SKI: variants seen among roughly 807,000 people sequenced by gnomAD.
SKI encodes the protein ski oncogene.
A neutral mutation model predicts 59.3 loss-of-function variants in SKI; 23 were observed. That is an observed-to-expected ratio of 0.39 (90% CI 0.28 to 0.55). SKI has a LOEUF of 0.55. Ranked by LOEUF, SKI falls within the 20% of genes least tolerant of loss-of-function variation. The pLI is 0.67. For synonymous variants in SKI, 673 were observed against 488.6 expected, an observed-to-expected ratio of 1.38 and a Z score of -4.98; for missense variants, 1,017 against 1,038.9, an observed-to-expected ratio of 0.98 and a Z score of 0.29.
rs112780030 is a variant in SKI at position 2,262,365 on chromosome 1, G to C, written c.969+32630G>C. ...AGGCGTGGAATCAGAGTTTGGGTGGGAGTGGTGGGAGTGGACACCCTCGCT... is the reference window on the plus strand; with the variant it reads ...AGGCGTGGAATCAGAGTTTGGGTGGCAGTGGTGGGAGTGGACACCCTCGCT... On this transcript the variant is annotated intron_variant, in intron 1 of 6. Coordinates refer to ENST00000378536, the MANE Select transcript of SKI (RefSeq NM_003036.4). Among the ~76,000 whole-genome samples, 1,332 of 149,318 alleles carry C rather than the reference G, an allele frequency of 8.9e-3. 17 individuals carry two copies. The highest frequency in any genetic ancestry group is 0.031 in the African/African-American group (1,233 of 40,328).
In SKI at chr1:2,228,727, C is replaced by A; in HGVS notation, c.-40C>A. 9.7e-7 allele frequency: 1 copy of A among 1,027,276 alleles called. No homozygotes were observed. The highest frequency in any genetic ancestry group is 1.2e-6 in the Non-Finnish European group (1 of 858,694). 63.6% of individuals were successfully genotyped at this position (1,027,276 alleles called of 1,614,324 possible). A position where few individuals can be genotyped will look rare whatever the true frequency, so the allele number is the denominator to read the frequency against. ...GCGGCGGGGGCCGGGGGGGCCCGGG[C>A]GCGCGGGAGCGGGAGCGGCCGGGGG... On this transcript the variant is annotated 5_prime_UTR_variant, in exon 1 of 7. Coordinates refer to ENST00000378536, the MANE Select transcript of SKI (RefSeq NM_003036.4).
intron 1 of SKI, among the ~76,000 whole-genome samples, chr1:2,282,830 C>G (rs1639938084): frequency 1.3e-5 from 2 of 152,198 alleles, no homozygotes; most frequent in African/African-American, 4.8e-5. Flanking sequence ...GTGACATTCG[C>G]AAGGGTGGGT....
intron 1 of SKI, among the ~76,000 whole-genome samples, chr1:2,299,737 G>A (rs992209788): frequency 3.3e-5 from 5 of 152,172 alleles, no homozygotes; most frequent in South Asian, 2.1e-4. Context: ...ATGGGCCAGC[G>A]TTTCGCCCTG....
intron 1 of SKI, among the ~76,000 whole-genome samples, chr1:2,296,348 A>G (rs555980349): frequency 1.1e-4 from 17 of 152,244 alleles, no homozygotes; most frequent in African/African-American, 3.4e-4. Context: ...GTGAGCTGAG[A>G]TCGTGCCACT....
chr1:2,278,794 G>A (rs2100867783), intron 1 of SKI, among the ~76,000 whole-genome samples: 1 of 152,166 alleles, frequency 6.6e-6, no homozygotes, highest in South Asian at 2.1e-4. Context: ...TGCAGTCCCT[G>A]GGCAGGCAGC....
intron 1 of SKI, among the ~76,000 whole-genome samples, chr1:2,287,879 A>T (rs1640077462): frequency 6.6e-6 from 1 of 150,888 alleles, no homozygotes; most frequent in African/African-American, 2.4e-5. Context: ...CTCCGGCCCC[A>T]CCCCGAGCCC....
intron 1 of SKI, among the ~76,000 whole-genome samples, chr1:2,283,343 A>C (rs1307106328): frequency 6.9e-6 from 1 of 145,966 alleles, no homozygotes; most frequent in East Asian, 2.0e-4. Context: ...AAGGACTCAG[A>C]GCCTCAGGGG....
At chr1:2,243,601 G>A (rs1003468596) in intron 1 of SKI, among the ~76,000 whole-genome samples, 4 of 152,214 alleles carry the variant, frequency 2.6e-5, no homozygotes, top group African/African-American at 9.7e-5. Context: ...GTGGGCCTGG[G>A]AGTGAAACAG....
At chr1:2,255,312 C>G (rs902720947) in intron 1 of SKI, among the ~76,000 whole-genome samples, 1 of 152,236 alleles carries the variant, frequency 6.6e-6, no homozygotes. Flanking sequence ...CCTGCCACAG[C>G]CCCACGTGCT....
intron 1 of SKI, among the ~76,000 whole-genome samples, chr1:2,231,666 T>C (rs1638641260): frequency 6.6e-6 from 1 of 152,242 alleles, no homozygotes; most frequent in South Asian, 2.1e-4. Flanking sequence ...CAGGCCATAC[T>C]GACGACGTGC....
rs970519317 is a variant in SKI at position 2,270,872 on chromosome 1, C to T, written c.970-32106C>T. Among the ~76,000 whole-genome samples the T allele has an allele frequency of 6.6e-6, 1 of 152,226 alleles. No homozygotes were observed. Among genetic ancestry groups the T allele is most frequent in the African/African-American group, 2.4e-5 (1 of 41,456 alleles). ...AAGTTCACATTTGTCCCTCTCCTGCCCCAGGGCACCTGGCCCTGTCCCGGG... is the reference window on the plus strand; with the variant it reads ...AAGTTCACATTTGTCCCTCTCCTGCTCCAGGGCACCTGGCCCTGTCCCGGG... On this transcript the variant is annotated intron_variant, in intron 1 of 6. Transcript: ENST00000378536. This position sits in a 1 kb window ranked among gnomAD's most constrained non-coding sequence, Gnocchi z 4.1.
chr1:2,277,309 C>T (rs764729167), intron 1 of SKI, among the ~76,000 whole-genome samples: 2 of 152,060 alleles, frequency 1.3e-5, no homozygotes, highest in African/African-American at 4.8e-5. Context: ...TGTGTCCCCA[C>T]CCAAATCTCA....
chr1:2,250,058 A>G (rs1386419957), intron 1 of SKI, among the ~76,000 whole-genome samples: 1 of 151,870 alleles, frequency 6.6e-6, no homozygotes, highest in Non-Finnish European at 1.5e-5. Flanking sequence ...GCGCCCGCCC[A>G]CCACGCCCGG....
rs139124422 is a variant in SKI at position 2,233,657 on chromosome 1, G to A, written c.969+3922G>A. ...GCAAGGCTGCCCCTGGCCCCAGGCA[G>A]CGTTTCTTCAGGCAGGTGCCCAGCC... On this transcript the variant is annotated intron_variant, in intron 1 of 6. Coordinates refer to ENST00000378536, the MANE Select transcript of SKI (RefSeq NM_003036.4). 1.8e-3 allele frequency among the ~76,000 whole-genome samples: 269 copies of A among 152,258 alleles called. 2 individuals carry two copies. Among genetic ancestry groups the A allele is most frequent in the African/African-American group, 5.8e-3 (239 of 41,546 alleles).
In SKI at chr1:2,247,219, AAAAAAAC is replaced by A. The variant is rs376403245; in HGVS notation, c.969+17498_969+17504del. On this transcript the variant is annotated intron_variant, in intron 1 of 6. Transcript: ENST00000378536. ...GGGCAACAGAGCAAGACTCCATCTT[AAAAAAAC>A]AAAAAACAAAAAAGGGAGCCGTGGG... Among the ~76,000 whole-genome samples, 20 of 152,236 alleles carry A rather than the reference AAAAAAAC, an allele frequency of 1.3e-4. No individual in the cohort carries two copies. In the East Asian group the frequency reaches 2.1e-3, roughly 16 times the overall value.
At chr1:2,305,210 G>C (rs1640539147) in intron 5 of SKI, among the ~76,000 whole-genome samples, 1 of 152,170 alleles carries the variant, frequency 6.6e-6, no homozygotes, top group Non-Finnish European at 1.5e-5. Context: ...CTCCGGTCTC[G>C]CGCCTCCTTT....
At chr1:2,234,668 C>T (rs531874141) in intron 1 of SKI, among the ~76,000 whole-genome samples, 2 of 152,134 alleles carry the variant, frequency 1.3e-5, no homozygotes, top group African/African-American at 2.4e-5. Context: ...GTGTCCACGC[C>T]GGCGGCCCGG....
Position 2,306,126 on chromosome 1 carries a change from A to G in SKI, c.1874A>G (p.Lys625Arg). 6.3e-7 allele frequency: 1 copy of G among 1,597,636 alleles called. No homozygotes were observed. The highest frequency in any genetic ancestry group is 8.5e-7 in the Non-Finnish European group (1 of 1,173,452). ...EIERLRAENE[K>R]KMKEANESRL... Reference sequence around the variant, plus strand: ...GAGCGTCTCCGCGCCGAGAACGAGAAGAAGATGAAAGAGGCCAACGAGTCA... The same window carrying G: ...GAGCGTCTCCGCGCCGAGAACGAGAGGAAGATGAAAGAGGCCAACGAGTCA... The change falls in exon 6 of 7, where the codon AAG (lysine) becomes AGG (arginine). Residue 625 changes from lysine (K) to arginine (R), a missense_variant. Transcript: ENST00000378536.
At chr1:2,304,149 G>A (rs770137047) in intron 4 of SKI, 47 bp downstream of exon 4, 2 of 1,606,960 alleles carry the variant, frequency 1.2e-6, no homozygotes, top group Non-Finnish European at 1.7e-6. Context: ...GGCTGTGGGG[G>A]TGGCACTGGC....
Sources: allele counts gnomAD v4.1 joint callset (sites outside exome capture counted in the v4.1 genomes callset), GRCh38; gene constraint gnomAD v4.1.1; non-coding constraint Gnocchi (gnomAD v3.1); transcripts MANE v1.5; gene names NCBI Gene and HGNC (gene_info 2026-07-23, HGNC 2026-07-21).